Variants in EYS observed in about 807,000 individuals in gnomAD.
The protein encoded by EYS is EGF-like photoreceptor maintenance factor.
EYS carries 250 observed loss-of-function variants against 282.1 expected under a neutral mutation model. The ratio of observed to expected loss-of-function variants is 0.89; its 90% CI spans 0.80 to 0.98. The LOEUF is 0.98. EYS is among the 50% of genes least tolerant of loss of function. The probability of loss-of-function intolerance (pLI) is 0.00; values close to 1 mark genes in which losing one functional copy is unlikely to be tolerated. For synonymous variants in EYS, 1,355 were observed against 1,282.9 expected, an observed-to-expected ratio of 1.06 and a Z score of -1.20; for missense variants, 4,016 against 3,709.0, an observed-to-expected ratio of 1.08 and a Z score of -2.15.
intron 33 of EYS, among the ~76,000 whole-genome samples, chr6:64,043,376 G>A (rs994491973): frequency 6.6e-6 from 1 of 152,220 alleles, no homozygotes; most frequent in Non-Finnish European, 1.5e-5. Context: ...TTTATTGCAT[G>A]CCTTACTGAA....
intron 14 of EYS, among the ~76,000 whole-genome samples, chr6:64,988,321 C>T (rs2150120799): frequency 6.6e-6 from 1 of 151,576 alleles, no homozygotes; most frequent in South Asian, 2.1e-4. Flanking sequence ...TCACAGCAAG[C>T]CTTAAAAGGT....
At chr6:64,395,252 T>C (rs1197674135) in intron 28 of EYS, among the ~76,000 whole-genome samples, 1 of 152,056 alleles carries the variant, frequency 6.6e-6, no homozygotes, top group East Asian at 1.9e-4. Context: ...GAACTGGAAA[T>C]ACCATTTGAC....
At chr6:64,696,417 A>T (rs1032694847) in intron 22 of EYS, among the ~76,000 whole-genome samples, 14 of 152,348 alleles carry the variant, frequency 9.2e-5, no homozygotes, top group Admixed American at 3.9e-4. Flanking sequence ...GAGGGAGAAG[A>T]AATGAAACAT....
chr6:64,925,530 G>C (rs944058439), intron 15 of EYS, among the ~76,000 whole-genome samples: 8 of 152,294 alleles, frequency 5.3e-5, no homozygotes, highest in Admixed American at 3.3e-4. Flanking sequence ...AGTGGTAGCA[G>C]AGGTCATATG....
At chr6:64,352,265 C>A (rs1561946383) in intron 29 of EYS, among the ~76,000 whole-genome samples, 2 of 151,518 alleles carry the variant, frequency 1.3e-5, no homozygotes, top group Admixed American at 1.3e-4. Flanking sequence ...CCTCTGAACT[C>A]TATTATTTTG....
chr6:64,031,047 C>T (rs1769802135), intron 33 of EYS, among the ~76,000 whole-genome samples: 2 of 152,222 alleles, frequency 1.3e-5, no homozygotes, highest in African/African-American at 4.8e-5. Context: ...TGCCTGGGCT[C>T]CCACTTTGGC....
At position 64,295,804 on chromosome 6, in the gene EYS, C is replaced by G. The variant is rs188211061; in HGVS notation, c.6191+11166G>C. ...AGCATTTGTTGCCAATGTTACAATT[C>G]GAACTTTCAAGCATATTTCAGAATT... is the stretch of plus-strand genomic sequence containing the variant. On this transcript the variant is annotated intron_variant, in intron 30 of 42. Coordinates refer to ENST00000503581, the MANE Select transcript of EYS (RefSeq NM_001142800.2). 5.1e-3 allele frequency among the ~76,000 whole-genome samples: 775 copies of G among 151,858 alleles called. 2 individuals are homozygous for G. Among genetic ancestry groups the G allele is most frequent in the Middle Eastern group, 0.017 (5 of 292 alleles).
intron 8 of EYS, among the ~76,000 whole-genome samples, chr6:65,355,280 T>C (rs1764436603): frequency 1.4e-5 from 2 of 147,672 alleles, no homozygotes; most frequent in South Asian, 4.5e-4. Flanking sequence ...CTTCAGTGAC[T>C]GGTCTACCAA....
At chr6:65,123,758 CCACACA>C (rs34701707) in intron 12 of EYS, among the ~76,000 whole-genome samples, 4,877 of 147,078 alleles carry the variant, frequency 0.033, 208 homozygotes, top group African/African-American at 0.1. Context: ...ACCCACCCAC[CCACACA>C]CACACACACA....
chr6:64,148,373 G>T (rs530526314), intron 31 of EYS, among the ~76,000 whole-genome samples: 1 of 152,008 alleles, frequency 6.6e-6, no homozygotes, highest in South Asian at 2.1e-4. Context: ...ATAATTTTTT[G>T]CCTTTATCTC....
intron 31 of EYS, among the ~76,000 whole-genome samples, chr6:64,103,820 A>G (rs933196541): frequency 1.3e-5 from 2 of 152,176 alleles, no homozygotes; most frequent in Non-Finnish European, 2.9e-5. Context: ...AGAGGAAATC[A>G]GGATCAAATT....
At chr6:65,696,010 G>T (rs1319626358) in intron 1 of EYS, among the ~76,000 whole-genome samples, 2 of 151,926 alleles carry the variant, frequency 1.3e-5, no homozygotes, top group East Asian at 3.9e-4. Flanking sequence ...GGGATTAGAG[G>T]GAATGATCTA....
intron 31 of EYS, among the ~76,000 whole-genome samples, chr6:64,208,425 A>C (rs1765670434): frequency 1.3e-5 from 2 of 152,218 alleles, no homozygotes; most frequent in Non-Finnish European, 2.9e-5. Context: ...AGTACATGAA[A>C]TCAAACTGTC....
chr6:64,519,262 C>T (rs190485262), intron 26 of EYS, among the ~76,000 whole-genome samples: 2 of 151,700 alleles, frequency 1.3e-5, no homozygotes, highest in African/African-American at 2.4e-5. Flanking sequence ...TTATGAGTGG[C>T]CAACATCCAT....
intron 31 of EYS, among the ~76,000 whole-genome samples, chr6:64,104,219 T>A (rs1392605777): frequency 6.6e-6 from 1 of 152,028 alleles, no homozygotes; most frequent in African/African-American, 2.4e-5. Flanking sequence ...ATAAGATGCA[T>A]TTTTTGAATT....
chr6:65,442,509 C>T (rs1033950792), intron 5 of EYS, among the ~76,000 whole-genome samples: 5 of 152,040 alleles, frequency 3.3e-5, no homozygotes, highest in African/African-American at 1.2e-4. Context: ...AATCCCAGCA[C>T]TTTGGGAGGT....
At chr6:64,690,430 A>G (rs904802524) in intron 22 of EYS, among the ~76,000 whole-genome samples, 2 of 152,134 alleles carry the variant, frequency 1.3e-5, no homozygotes, top group Admixed American at 6.6e-5. Context: ...CGATTCCTCA[A>G]GGATCTATAA....
chr6:63,900,818 C>T (rs931542239), intron 35 of EYS, among the ~76,000 whole-genome samples: 1 of 151,994 alleles, frequency 6.6e-6, no homozygotes, highest in African/African-American at 2.4e-5. Flanking sequence ...AAAACAACAA[C>T]TGAACAAAGA....
At chr6:65,154,395 G>A (rs1398836135) in intron 12 of EYS, among the ~76,000 whole-genome samples, 1 of 151,490 alleles carries the variant, frequency 6.6e-6, no homozygotes, top group African/African-American at 2.4e-5. Context: ...GAAAATGTAA[G>A]ACAATGTATT....
Sources: gnomAD v4.1 joint callset for allele counts (sites outside exome capture counted in the v4.1 genomes callset) on GRCh38, gnomAD v4.1.1 for gene constraint, MANE v1.5 for transcripts, NCBI Gene and HGNC (gene_info 2026-07-23, HGNC 2026-07-21) for gene names.